PCSK5: variants seen among roughly 807,000 people sequenced by gnomAD.
The protein encoded by PCSK5 is proprotein convertase subtilisin/kexin type 5.
In PCSK5, 129 loss-of-function variants were observed where a neutral mutation model predicts 233.2. That is an observed-to-expected ratio of 0.55 (90% confidence interval 0.48 to 0.64). PCSK5 has a LOEUF of 0.64. Ranked by LOEUF, PCSK5 falls within the 30% of genes least tolerant of loss-of-function variation. PCSK5 has a pLI of 0.00. For missense variants in PCSK5, 2,076 were observed against 2,430.1 expected (o/e 0.85, Z 3.06); for synonymous variants, 825 against 879.2 (o/e 0.94, Z 1.09).
At chr9:76,103,036 G>A (rs757876173) in intron 8 of PCSK5, among the ~76,000 whole-genome samples, 3 of 152,282 alleles carry the variant, frequency 2.0e-5, no homozygotes, top group East Asian at 3.9e-4. Context: ...TTAGCAACAC[G>A]AGAGTGGGAT....
intron 2 of PCSK5, among the ~76,000 whole-genome samples, chr9:75,943,683 C>T (rs968847138): frequency 1.3e-5 from 2 of 152,170 alleles, no homozygotes; most frequent in Non-Finnish European, 1.5e-5. Flanking sequence ...CATCAATCTT[C>T]CCTCACTTGA....
In PCSK5 at chr9:76,157,073, G is replaced by A; in HGVS notation, c.1341G>A (p.Met447Ile). Residue 447 changes from methionine to isoleucine, a missense_variant, in exon 11 of 38, where the codon ATG (methionine) becomes ATA (isoleucine). Transcript: ENST00000674117. ...GCCATCTTTATGGATTTGGACTGAT[G>A]GACGCAGAAGCCATGGTGATGGAGG... Reference protein sequence around the residue: ...KVSHLYGFGLMDAEAMVMEAE... With the variant: ...KVSHLYGFGLIDAEAMVMEAE... 1 of 1,613,808 alleles carries A rather than the reference G, an allele frequency of 6.2e-7. No individual in the cohort carries two copies. Among genetic ancestry groups the A allele is most frequent in the Non-Finnish European group, 8.5e-7 (1 of 1,179,788 alleles).
At chr9:76,273,738 T>G (rs1465904470) in intron 24 of PCSK5, among the ~76,000 whole-genome samples, 4 of 151,160 alleles carry the variant, frequency 2.6e-5, no homozygotes, top group African/African-American at 9.7e-5. Context: ...GCTCTAGAGA[T>G]CCTCTTGCCT....
chr9:76,067,328 A>G (rs1830321797), intron 5 of PCSK5, among the ~76,000 whole-genome samples: 1 of 152,212 alleles, frequency 6.6e-6, no homozygotes. Flanking sequence ...ATAAGTGTGG[A>G]TAACATATTT....
rs1270879924 is a variant in PCSK5 at position 76,359,855 on chromosome 9, C to A, written c.*933C>A. On this transcript the variant is annotated 3_prime_UTR_variant, in exon 38 of 38. Transcript: ENST00000674117. ...AACCCATCACAAAACCGTGGACTCT[C>A]AATAGAAAGAGTTGGAATAGAGTCT... 1 of 151,970 alleles carries A rather than the reference C, an allele frequency of 6.6e-6. No individual in the cohort carries two copies. Among genetic ancestry groups the A allele is most frequent in the Non-Finnish European group, 1.5e-5 (1 of 67,998 alleles). 9.4% of individuals were successfully genotyped at this position (151,970 alleles called of 1,614,324 possible).
intron 29 of PCSK5, among the ~76,000 whole-genome samples, chr9:76,310,040 G>C (rs1478248850): frequency 6.6e-6 from 1 of 152,088 alleles, no homozygotes; most frequent in Non-Finnish European, 1.5e-5. Context: ...CTGAGGTCAG[G>C]AGTCTGAGTC....
rs1197905310 is a variant in PCSK5, at chr9:76,271,301, T to C, written c.3143-20932T>C. On this transcript the variant is annotated intron_variant, in intron 24 of 37. Coordinates refer to ENST00000674117, the MANE Select transcript of PCSK5 (RefSeq NM_001372043.1). ...TTAGATCTCTGAACTGCGAACTTCCTAACCACTCCCCTCTGCATTAACCTT... is the reference window on the plus strand; with the variant it reads ...TTAGATCTCTGAACTGCGAACTTCCCAACCACTCCCCTCTGCATTAACCTT... Among the ~76,000 whole-genome samples the C allele has an allele frequency of 2.0e-5, 3 of 152,328 alleles. No homozygotes were observed. In the East Asian group the frequency reaches 5.8e-4, roughly 29 times the overall value.
At chr9:75,902,214 T>TAAAAAAAAAAAAAAAAAAAA (rs200579439) in intron 1 of PCSK5, among the ~76,000 whole-genome samples, 9 of 53,290 alleles carry the variant, frequency 1.7e-4, no homozygotes, top group South Asian at 8.8e-4. Flanking sequence ...AGACACCATC[T>TAAAAAAAAAAAAAAAAAAAA]AAAAAAAAAA....
At chr9:76,251,058 AGGAGTTCGAGACCAGCCTG>A (rs1463466863) in intron 24 of PCSK5, among the ~76,000 whole-genome samples, 5 of 152,204 alleles carry the variant, frequency 3.3e-5, no homozygotes, top group African/African-American at 1.2e-4. Context: ...GCTTCAGGCC[AGGAGTTCGAGACCAGCCTG>A]GGCAACATAG....
intron 9 of PCSK5, among the ~76,000 whole-genome samples, chr9:76,119,977 C>T (rs371452804): frequency 6.6e-6 from 1 of 152,002 alleles, no homozygotes; most frequent in Non-Finnish European, 1.5e-5. Flanking sequence ...CTCTGGTAAC[C>T]TTTCTTCTAC....
At chr9:76,351,927 G>A (rs538808789) in intron 36 of PCSK5, among the ~76,000 whole-genome samples, 34 of 152,020 alleles carry the variant, frequency 2.2e-4, no homozygotes, top group Non-Finnish European at 3.1e-4. Flanking sequence ...TTGGGTTGGG[G>A]GTTCCCTCGC....
At chr9:75,944,876 TAGGC>T (rs938522370) in intron 2 of PCSK5, among the ~76,000 whole-genome samples, 1 of 151,768 alleles carries the variant, frequency 6.6e-6, no homozygotes, top group African/African-American at 2.4e-5. Flanking sequence ...TTGGGAGGCC[TAGGC>T]AGGCGGATCA....
chr9:76,207,259 C>T (rs1300380433), intron 20 of PCSK5, among the ~76,000 whole-genome samples: 1 of 152,210 alleles, frequency 6.6e-6, no homozygotes, highest in Non-Finnish European at 1.5e-5. Context: ...AGGTCCCAGA[C>T]ATGAGGACTT....
At chr9:76,190,037 C>G (rs766695177) in intron 20 of PCSK5, among the ~76,000 whole-genome samples, 20 of 152,156 alleles carry the variant, frequency 1.3e-4, no homozygotes, top group Admixed American at 3.3e-4. Context: ...CAAAATTGAG[C>G]AGAAAGTTCA....
intron 2 of PCSK5, among the ~76,000 whole-genome samples, chr9:75,979,067 T>A (rs1432083249): frequency 6.6e-6 from 1 of 152,118 alleles, no homozygotes; most frequent in Non-Finnish European, 1.5e-5. Flanking sequence ...TTGGTCAGAC[T>A]GGTCTCGAAC....
intron 13 of PCSK5, among the ~76,000 whole-genome samples, chr9:76,171,871 A>C (rs920687395): frequency 6.6e-6 from 1 of 151,792 alleles, no homozygotes; most frequent in Non-Finnish European, 1.5e-5. Flanking sequence ...ACTTCAACCA[A>C]CCTTTCATTT....
At chr9:76,144,917 G>C (rs1823382961) in intron 10 of PCSK5, among the ~76,000 whole-genome samples, 1 of 152,162 alleles carries the variant, frequency 6.6e-6, no homozygotes, top group African/African-American at 2.4e-5. Context: ...CACGAGGTCA[G>C]AAGTTCAAGA....
chr9:76,023,665 G>C (rs1214933413), intron 3 of PCSK5, 73 bp from the exon 4 acceptor site: 3 of 1,363,476 alleles, frequency 2.2e-6, no homozygotes, highest in African/African-American at 3.0e-5. Flanking sequence ...AAAAACAAAA[G>C]AAAGAAAGAA....
intron 7 of PCSK5, among the ~76,000 whole-genome samples, chr9:76,074,635 A>T (rs1259634380): frequency 6.6e-6 from 1 of 152,138 alleles, no homozygotes; most frequent in Non-Finnish European, 1.5e-5. Flanking sequence ...CTTCTCTCTA[A>T]CCTTATGTAG....
Sources: allele counts gnomAD v4.1 joint callset (sites outside exome capture counted in the v4.1 genomes callset), GRCh38; gene constraint gnomAD v4.1.1; transcripts MANE v1.5; gene names NCBI Gene and HGNC (gene_info 2026-07-23, HGNC 2026-07-21).